The following ITGA3 variants were observed in gnomAD, a reference collection of about 807,000 sequenced individuals.
The protein encoded by ITGA3 is integrin alpha-3.
A neutral mutation model predicts 131.1 loss-of-function variants in ITGA3; 70 were observed. That is an observed-to-expected ratio of 0.53 (90% confidence interval 0.44 to 0.65). The LOEUF (loss-of-function observed/expected upper bound fraction) is 0.65, where lower values mean the gene tolerates loss of function less well. Among genes scored for constraint, ITGA3 ranks in the 30% least tolerant of loss-of-function variants. ITGA3 has a pLI of 0.00. For synonymous variants in ITGA3, 537 were observed against 571.6 expected, an observed-to-expected ratio of 0.94 and a Z score of 0.86; for missense variants, 1,098 against 1,388.6, an observed-to-expected ratio of 0.79 and a Z score of 3.33.
At chr17:50,074,692 C>T (rs749918537) in intron 10 of ITGA3, among the ~76,000 whole-genome samples, 158 bp downstream of exon 10, 1 of 152,162 alleles carries the variant, frequency 6.6e-6, no homozygotes, top group Non-Finnish European at 1.5e-5. Flanking sequence ...CATTAAAAAG[C>T]AAAATTCCTT....
In ITGA3 at chr17:50,056,418, G is replaced by T. The variant is rs776431279; in HGVS notation, c.-22G>T. On this transcript the variant is annotated 5_prime_UTR_variant, in exon 1 of 26. Transcript: ENST00000320031. This position sits in a 1 kb window ranked among gnomAD's most constrained non-coding sequence, Gnocchi z 5.6. ...CCGCGCCCTCACGCGCTCTCGCCGG[G>T]ACCCCGCTTCCGCTGGCAGCCATGG... is the stretch of plus-strand genomic sequence containing the variant. 1 of 1,456,442 alleles carries T rather than the reference G, an allele frequency of 6.9e-7. No homozygotes were observed. Among genetic ancestry groups the T allele is most frequent in the South Asian group, 1.4e-5 (1 of 69,380 alleles). 90.2% of individuals were successfully genotyped at this position (1,456,442 alleles called of 1,614,324 possible).
At chr17:50,070,732 G>A (rs1181201890) in intron 4 of ITGA3, 112 bp from the exon 5 acceptor site, 1 of 652,040 alleles carries the variant, frequency 1.5e-6, no homozygotes, top group East Asian at 2.7e-5. Context: ...AATAAAAGGG[G>A]TTATTACTAT....
rs1027050692 is a variant in ITGA3 at position 50,064,437 on chromosome 17, C to A, written c.335-91C>A. The A allele has an allele frequency of 1.1e-5, 14 of 1,313,166 alleles. No homozygotes were observed. The highest frequency in any genetic ancestry group is 1.4e-5 in the African/African-American group (1 of 69,446). The allele number at this position is 1,313,166 out of a possible 1,614,324, so 81.3% of individuals were successfully genotyped here. ...GGAGGGCTGCCCTGTGGGTGGAGGG[C>A]CCAAGCGGGACCCACTCCTGCCCTC... On this transcript the variant is annotated intron_variant, in intron 2 of 25. Transcript: ENST00000320031. The surrounding 1 kb of genome is among the most constrained non-coding windows in gnomAD (Gnocchi z 4.4).
intron 15 of ITGA3, 29 bp downstream of exon 15, chr17:50,077,150 C>G: frequency 6.6e-7 from 1 of 1,516,940 alleles, no homozygotes; most frequent in South Asian, 1.2e-5. Flanking sequence ...GCTCAGAGCC[C>G]AAGCAGGGCT....
chr17:50,068,232 C>T lies in ITGA3; in HGVS notation c.591C>T (p.Cys197=). The change falls in exon 4 of 26, where the codon TGC becomes TGT. Residue 197 remains cysteine (C), a synonymous_variant. Transcript: ENST00000320031. Reference sequence around the variant, plus strand: ...CAGACTACCTGGAGACGGGCATGTGCCAGCTGGGCACCAGCGGTGGCTTCA... The same window carrying T: ...CAGACTACCTGGAGACGGGCATGTGTCAGCTGGGCACCAGCGGTGGCTTCA... ...SNTDYLETGM[C]QLGTSGGFTQ... 1 of 1,614,064 alleles carries T rather than the reference C, an allele frequency of 6.2e-7. No homozygotes were observed. The highest frequency in any genetic ancestry group is 8.5e-7 in the Non-Finnish European group (1 of 1,180,034).
chr17:50,061,814 T>C (rs1001349724), intron 1 of ITGA3, among the ~76,000 whole-genome samples: 1 of 151,764 alleles, frequency 6.6e-6, no homozygotes, highest in Non-Finnish European at 1.5e-5. Context: ...CCGAGGCGGG[T>C]GGATCACCTG....
At chr17:50,077,984 C>T in intron 16 of ITGA3, 62 bp from the exon 17 acceptor site, 1 of 1,392,188 alleles carries the variant, frequency 7.2e-7, no homozygotes, top group South Asian at 1.2e-5. Flanking sequence ...CCCTCCTTCC[C>T]CATGACATCA....
chr17:50,082,318 A>G (rs1909223153), intron 23 of ITGA3, among the ~76,000 whole-genome samples: 1 of 152,082 alleles, frequency 6.6e-6, no homozygotes, highest in Non-Finnish European at 1.5e-5. Context: ...AGCTGGGACT[A>G]CAGGCGCCCA....
Position 50,064,726 on chromosome 17 carries a change from C to T in ITGA3, c.414+119C>T, listed in dbSNP as rs924215662. 1 of 716,168 alleles carries T rather than the reference C, an allele frequency of 1.4e-6. No individual in the cohort carries two copies. The highest frequency in any genetic ancestry group is 2.3e-6 in the Non-Finnish European group (1 of 430,766). 44.4% of individuals were successfully genotyped at this position (716,168 alleles called of 1,614,324 possible). ...CACGGCGCGTGTGTGCTGGGGCCTG[C>T]ACACATGTCCCTTCCTGTGGCTGTG... On this transcript the variant is annotated intron_variant, in intron 3 of 25. Transcript: ENST00000320031. This position sits in a 1 kb window ranked among gnomAD's most constrained non-coding sequence, Gnocchi z 4.4.
At chr17:50,059,152 G>A (rs906446628) in intron 1 of ITGA3, among the ~76,000 whole-genome samples, 2 of 152,200 alleles carry the variant, frequency 1.3e-5, no homozygotes, top group Non-Finnish European at 2.9e-5. Flanking sequence ...CAGTCTCCTA[G>A]TCTGTGGAAA....
rs374749518 is a variant in ITGA3, at chr17:50,075,639, G to T, written c.1578G>T (p.Pro526=). The change falls in exon 12 of 26, where the codon CCG becomes CCT. Residue 526 remains proline (P), a synonymous_variant. Coordinates refer to ENST00000320031, the MANE Select transcript of ITGA3 (RefSeq NM_002204.4). ...YTLEADRDRR[P]PRLRFAGSES... is the part of the protein sequence containing the mutation. ...TGGAGGCTGACAGGGACCGCCGGCC[G>T]CCCCGGCTCCGCTTTGCCGGCAGTG... 5.6e-6 allele frequency: 9 copies of T among 1,614,188 alleles called. No homozygotes were observed. In the East Asian group the frequency reaches 1.1e-4, roughly 20 times the overall value.
At position 50,087,725 on chromosome 17, in the gene ITGA3, C is replaced by A; in HGVS notation, c.2920-19C>A. 1 of 1,606,494 alleles carries A rather than the reference C, an allele frequency of 6.2e-7. No homozygotes were observed. The highest frequency in any genetic ancestry group is 8.5e-7 in the Non-Finnish European group (1 of 1,175,218). On this transcript the variant is annotated intron_variant, in intron 23 of 25. Coordinates refer to ENST00000320031, the MANE Select transcript of ITGA3 (RefSeq NM_002204.4). ...TAAGCAGGCTGACACAGGGCTGAGT[C>A]CTCCTCTCCCCGCTCCAGTTCTCTG...
In ITGA3 at chr17:50,078,930, A is replaced by C. The variant is rs370406475; in HGVS notation, c.2400+4A>C. 3.7e-5 allele frequency: 59 copies of C among 1,585,132 alleles called. No individual in the cohort carries two copies. Among genetic ancestry groups the C allele is most frequent in the Non-Finnish European group, 4.9e-5 (57 of 1,153,744 alleles). The stretch of plus-strand genomic sequence containing the variant: ...CCCCCTCAAGTATGAATTCCAGGTA[A>C]GGGGCTCGCCAGAGTCCTGGGCTGG... On this transcript the variant is annotated splice_donor_region_variant and intron_variant, in intron 19 of 25. Transcript: ENST00000320031.
chr17:50,070,010 G>A (rs542149220), intron 4 of ITGA3, among the ~76,000 whole-genome samples: 3 of 152,314 alleles, frequency 2.0e-5, no homozygotes, highest in South Asian at 2.1e-4. Flanking sequence ...TGGGCTCACC[G>A]AAGGCTGAGG....
chr17:50,064,473 G>C lies in ITGA3; in HGVS notation c.335-55G>C. ...CCCACTCCTGCCCTCTGGAGACTTT[G>C]GGCACTGAAGTATGGGTGAGGTGCT... is the stretch of plus-strand genomic sequence containing the variant. On this transcript the variant is annotated intron_variant, in intron 2 of 25. Coordinates refer to ENST00000320031, the MANE Select transcript of ITGA3 (RefSeq NM_002204.4). The surrounding 1 kb of genome is among the most constrained non-coding windows in gnomAD (Gnocchi z 4.4). 7 of 1,535,548 alleles carry C rather than the reference G, an allele frequency of 4.6e-6. No individual in the cohort carries two copies. Among genetic ancestry groups the C allele is most frequent in the Non-Finnish European group, 6.2e-6 (7 of 1,129,776 alleles).
At chr17:50,085,569 CAGG>C (rs1483612891) in intron 23 of ITGA3, among the ~76,000 whole-genome samples, 1 of 150,768 alleles carries the variant, frequency 6.6e-6, no homozygotes, top group Non-Finnish European at 1.5e-5. Context: ...GAGGCTGAGG[CAGG>C]AGAATTGCTT....
In ITGA3 at chr17:50,064,287, G is replaced by C; in HGVS notation, c.334+83G>C. On this transcript the variant is annotated intron_variant, in intron 2 of 25. Coordinates refer to ENST00000320031, the MANE Select transcript of ITGA3 (RefSeq NM_002204.4). The surrounding 1 kb of genome is among the most constrained non-coding windows in gnomAD (Gnocchi z 4.4). Reference sequence around the variant, plus strand: ...CAGAGAGAATGGCCTGGAGGAGATAGAAGGCTTGTTCACACGGCTTCTAGT... The same window carrying C: ...CAGAGAGAATGGCCTGGAGGAGATACAAGGCTTGTTCACACGGCTTCTAGT... The C allele has an allele frequency of 1.3e-6, 2 of 1,515,968 alleles. No homozygotes were observed. The highest frequency in any genetic ancestry group is 1.2e-5 in the South Asian group (1 of 83,320). 93.9% of individuals were successfully genotyped at this position (1,515,968 alleles called of 1,614,324 possible). A position where few individuals can be genotyped will look rare whatever the true frequency, so the allele number is the denominator to read the frequency against.
intron 1 of ITGA3, among the ~76,000 whole-genome samples, chr17:50,060,856 C>T (rs994173547): frequency 3.9e-5 from 6 of 152,172 alleles, no homozygotes; most frequent in African/African-American, 1.4e-4. Flanking sequence ...TGGACCAGAC[C>T]TAAAAGCAGG....
At chr17:50,079,583 G>A in intron 21 of ITGA3, 26 bp downstream of exon 21, 1 of 1,501,338 alleles carries the variant, frequency 6.7e-7, no homozygotes, top group South Asian at 1.4e-5. Flanking sequence ...GAGGTTGGAG[G>A]GGATTGCATC....
Sources: allele counts gnomAD v4.1 joint callset (sites outside exome capture counted in the v4.1 genomes callset), GRCh38; gene constraint gnomAD v4.1.1; non-coding constraint Gnocchi (gnomAD v3.1); transcripts MANE v1.5; gene names NCBI Gene and HGNC (gene_info 2026-07-23, HGNC 2026-07-21).